Variants in PCNX1 observed in about 807,000 individuals in gnomAD.
PCNX1 encodes pecanex-like protein 1.
In PCNX1, 78 loss-of-function variants were observed where a neutral mutation model predicts 242.2. The ratio of observed to expected loss-of-function variants is 0.32; its 90% confidence interval spans 0.27 to 0.39. PCNX1 has a LOEUF of 0.39. PCNX1 is among the 10% of genes least tolerant of loss of function. PCNX1 has a pLI of 1.00. For missense variants in PCNX1, 2,581 were observed against 2,856.5 expected (o/e 0.90, Z 2.20); for synonymous variants, 1,024 against 1,032.9 (o/e 0.99, Z 0.17).
At chr14:71,019,243 T>C (rs996713391) in intron 12 of PCNX1, 81 bp downstream of exon 12, 51 of 1,071,418 alleles carry the variant, frequency 4.8e-5, no homozygotes, top group Middle Eastern at 4.2e-4. Flanking sequence ...TACTGAATTA[T>C]AGTAAGATAA....
Position 70,907,820 on chromosome 14 carries a change from GCGGCGGCGACGGCGGCGGCGC to G in PCNX1, c.-27_-7del, listed in dbSNP as rs1414972617. ...GGCCGGGGCGGGGACGGCGGCGGCG[GCGGCGGCGACGGCGGCGGCGC>G]CGGGTGGGGATGGGGTCGCAGACGC... On this transcript the variant is annotated 5_prime_UTR_variant, in exon 1 of 36. Transcript: ENST00000304743. The G allele has an allele frequency of 3.2e-6, 4 of 1,244,974 alleles. No homozygotes were observed. Among genetic ancestry groups the G allele is most frequent in the Non-Finnish European group, 4.0e-6 (4 of 992,836 alleles). 77.1% of individuals were successfully genotyped at this position (1,244,974 alleles called of 1,614,324 possible).
In PCNX1 at chr14:71,057,546, G is replaced by A; in HGVS notation, c.4674G>A (p.Glu1558=). ...ACAATCTGAATTCCATCTTTTATGA[G>A]CATTTAACTAGATCCCTACAGCACA... The part of the protein sequence containing the change: ...DDNNLNSIFY[E]HLTRSLQHSL... Residue 1558 remains glutamate, a synonymous_variant, in exon 26 of 36, where the codon GAG becomes GAA. Transcript: ENST00000304743. 1 of 1,613,402 alleles carries A rather than the reference G, an allele frequency of 6.2e-7. No homozygotes were observed. Among genetic ancestry groups the A allele is most frequent in the Non-Finnish European group, 8.5e-7 (1 of 1,179,512 alleles).
chr14:71,036,340 A>G (rs1177919182), intron 19 of PCNX1, among the ~76,000 whole-genome samples, 183 bp downstream of exon 19: 1 of 151,956 alleles, frequency 6.6e-6, no homozygotes, highest in African/African-American at 2.4e-5. Context: ...TAATTTAAAG[A>G]ATTTTTTCTT....
chr14:71,072,688 C>T (rs1228069857), intron 26 of PCNX1, among the ~76,000 whole-genome samples: 1 of 152,122 alleles, frequency 6.6e-6, no homozygotes, highest in Non-Finnish European at 1.5e-5. Context: ...AGTATGATTA[C>T]TTTATAGTCT....
intron 28 of PCNX1, among the ~76,000 whole-genome samples, chr14:71,083,090 T>G (rs1342358100): frequency 6.6e-6 from 1 of 152,196 alleles, no homozygotes; most frequent in African/African-American, 2.4e-5. Flanking sequence ...GTAAAGGATT[T>G]TATTACTCCT....
Position 71,110,127 on chromosome 14 carries a change from A to T in PCNX1, c.*192A>T. Reference sequence around the variant, plus strand: ...ACTCCTGTCACTGTCTCCATCCCCAAATAAAGCTGAAATATTTTTTTAAGT... The same window carrying T: ...ACTCCTGTCACTGTCTCCATCCCCATATAAAGCTGAAATATTTTTTTAAGT... On this transcript the variant is annotated 3_prime_UTR_variant, in exon 36 of 36. Transcript: ENST00000304743. 1 of 644,548 alleles carries T rather than the reference A, an allele frequency of 1.6e-6. No homozygotes were observed. Among genetic ancestry groups the T allele is most frequent in the East Asian group, 2.8e-5 (1 of 35,448 alleles). The allele number at this position is 644,548 out of a possible 1,614,324, so 39.9% of individuals were successfully genotyped here. A position where few individuals can be genotyped will look rare whatever the true frequency, so the allele number is the denominator to read the frequency against.
intron 28 of PCNX1, 66 bp downstream of exon 28, chr14:71,076,485 G>A: frequency 9.5e-7 from 1 of 1,053,556 alleles, no homozygotes; most frequent in African/African-American, 1.6e-5. Flanking sequence ...GAATGTCCCT[G>A]TTAGTTCTTA....
intron 1 of PCNX1, among the ~76,000 whole-genome samples, chr14:70,935,208 AT>A (rs1351479075): frequency 1.3e-5 from 2 of 152,298 alleles, no homozygotes; most frequent in South Asian, 2.1e-4. Flanking sequence ...GGTCACCTAA[AT>A]TTTTATTTTG....
rs1269580697 is a variant in PCNX1, at chr14:71,114,871, G to A, written c.*4936G>A. ...AGATGGCTGCTCCAGATGACTCTTG[G>A]GTTTAGTGTACTTGTGATTGAACAA... On this transcript the variant is annotated 3_prime_UTR_variant, in exon 36 of 36. Coordinates refer to ENST00000304743, the MANE Select transcript of PCNX1 (RefSeq NM_014982.3). 7.5e-6 allele frequency: 1 copy of A among 133,626 alleles called. No homozygotes were observed. The highest frequency in any genetic ancestry group is 2.4e-4 in the East Asian group (1 of 4,156). 8.3% of individuals were successfully genotyped at this position (133,626 alleles called of 1,614,324 possible).
chr14:71,061,098 G>T (rs1294597966), intron 26 of PCNX1, among the ~76,000 whole-genome samples: 1 of 152,180 alleles, frequency 6.6e-6, no homozygotes, highest in African/African-American at 2.4e-5. Flanking sequence ...TCTGAAAACA[G>T]ATACTGGAAA....
At chr14:70,980,249 C>T (rs1342016840) in intron 6 of PCNX1, among the ~76,000 whole-genome samples, 2 of 150,732 alleles carry the variant, frequency 1.3e-5, no homozygotes, top group Non-Finnish European at 3.0e-5. Context: ...GTGAGGTGTT[C>T]TGTTTTTTAG....
At chr14:70,960,285 T>C (rs919091719) in intron 2 of PCNX1, among the ~76,000 whole-genome samples, 4 of 144,104 alleles carry the variant, frequency 2.8e-5, no homozygotes, top group Non-Finnish European at 4.6e-5. Flanking sequence ...TTTTGGTGTT[T>C]TAGACATGAA....
In PCNX1 at chr14:70,988,652, A is replaced by C; in HGVS notation, c.2397A>C (p.Ala799=). ...RRQAVRRRHN[A]GSNPTPPTLL... ...AGGCAGTACGGCGCCGGCACAATGC[A>C]GGGAGTAACCCTACCCCTCCTACAT... Residue 799 remains alanine (A), a synonymous_variant, in exon 7 of 36, where the codon GCA becomes GCC. Transcript: ENST00000304743. 1 of 1,614,116 alleles carries C rather than the reference A, an allele frequency of 6.2e-7. No homozygotes were observed. The highest frequency in any genetic ancestry group is 8.5e-7 in the Non-Finnish European group (1 of 1,179,962).
At chr14:70,989,232 A>C (rs796708618) in intron 7 of PCNX1, among the ~76,000 whole-genome samples, 39 of 151,836 alleles carry the variant, frequency 2.6e-4, no homozygotes, top group South Asian at 2.1e-4. Flanking sequence ...AAATGACAGA[A>C]CTAACATACA....
At chr14:71,085,063 A>G (rs1310538076) in intron 28 of PCNX1, among the ~76,000 whole-genome samples, 1 of 152,168 alleles carries the variant, frequency 6.6e-6, no homozygotes, top group African/African-American at 2.4e-5. Flanking sequence ...TCCTCACGGC[A>G]CGGTCCATCA....
intron 30 of PCNX1, among the ~76,000 whole-genome samples, chr14:71,094,937 A>G (rs778061405): frequency 2.4e-4 from 36 of 152,210 alleles, no homozygotes; most frequent in Middle Eastern, 3.2e-3. Flanking sequence ...TCTCTAAAAA[A>G]AACCCCAATA....
chr14:71,091,360 A>G (rs1595484224), intron 30 of PCNX1, among the ~76,000 whole-genome samples: 1 of 152,328 alleles, frequency 6.6e-6, no homozygotes, highest in East Asian at 1.9e-4. Flanking sequence ...TACTAAAAGA[A>G]AGGATATATG....
At position 70,978,512 on chromosome 14, in the gene PCNX1, C is replaced by A; in HGVS notation, c.2175C>A (p.Ala725=). The change falls in exon 6 of 36, where the codon GCC becomes GCA. Residue 725 remains alanine (A), a synonymous_variant. Coordinates refer to ENST00000304743, the MANE Select transcript of PCNX1 (RefSeq NM_014982.3). ...CCACTTCAAAATCAGATCTTGAGGC[C>A]AAAGAGGGAGAGGTGCTAGATGAGC... is the stretch of plus-strand genomic sequence containing the variant. The part of the protein sequence containing the change: ...PLTTSKSDLE[A]KEGEVLDELS... 1 of 1,614,102 alleles carries A rather than the reference C, an allele frequency of 6.2e-7. No homozygotes were observed. Among genetic ancestry groups the A allele is most frequent in the Non-Finnish European group, 8.5e-7 (1 of 1,180,016 alleles).
Position 71,109,587 on chromosome 14 carries a change from G to C in PCNX1, c.6880G>C (p.Gly2294Arg). 1 of 1,614,146 alleles carries C rather than the reference G, an allele frequency of 6.2e-7. No individual in the cohort carries two copies. Among genetic ancestry groups the C allele is most frequent in the South Asian group, 1.1e-5 (1 of 91,078 alleles). ...CTGGAGTCCGCAGGAGGGCATGGAAGGCCATGTAAGTTCTTTTACAAGCTG... is the reference window on the plus strand; with the variant it reads ...CTGGAGTCCGCAGGAGGGCATGGAACGCCATGTAAGTTCTTTTACAAGCTG... ...KDWSPQEGME[G>R]HVIHRWVPCS... The change falls in exon 35 of 36, where the codon GGC becomes CGC. Residue 2294 changes from glycine to arginine, a missense_variant. Gly to Arg is a moderately radical substitution (Grantham distance 125). This residue lies in a region of PCNX1 where 432 missense variants were observed against 433.6 expected (regional missense o/e 1.00). Transcript: ENST00000304743.
Sources: gnomAD v4.1 joint callset for allele counts (sites outside exome capture counted in the v4.1 genomes callset) on GRCh38, gnomAD v4.1.1 for gene constraint, gnomAD v4.1.1 regional missense constraint, MANE v1.5 for transcripts, NCBI Gene and HGNC (gene_info 2026-07-23, HGNC 2026-07-21) for gene names.